FGF14: variants seen among roughly 807,000 people sequenced by gnomAD.
FGF14 encodes the protein fibroblast growth factor homologous factor 4.
A neutral mutation model predicts 25.5 loss-of-function variants in FGF14; 5 were observed. The ratio of observed to expected loss-of-function variants is 0.20; its 90% CI spans 0.10 to 0.41. The LOEUF is 0.41. FGF14 is among the 10% of genes least tolerant of loss of function. FGF14 has a pLI of 1.00. For synonymous variants in FGF14, 138 were observed against 118.3 expected (o/e 1.17, Z -1.08); for missense variants, 222 against 320.1 (o/e 0.69, Z 2.34).
chr13:102,120,995 C>T (rs569213733), intron 1 of FGF14, among the ~76,000 whole-genome samples: 18 of 152,254 alleles, frequency 1.2e-4, no homozygotes, highest in Middle Eastern at 3.4e-3. Flanking sequence ...TGAGCCACCG[C>T]GCCCGGCCGA....
chr13:101,957,631 TCTAA>T (rs1267953094), intron 1 of FGF14, among the ~76,000 whole-genome samples: 2 of 152,204 alleles, frequency 1.3e-5, no homozygotes, highest in African/African-American at 4.8e-5. Flanking sequence ...TTTGAGCAGA[TCTAA>T]CTCAGAGTCA....
intron 3 of FGF14, among the ~76,000 whole-genome samples, chr13:101,840,945 A>G (rs2140316923): frequency 1.3e-5 from 2 of 152,090 alleles, no homozygotes; most frequent in African/African-American, 4.8e-5. Context: ...CCTTGTAATG[A>G]GGAGTTTACG....
rs763340155 is a variant in FGF14 at position 102,107,014 on chromosome 13, T to C, written c.209-231718A>G. ...AAAACCATTTAGAGTGTGGACTGTT[T>C]CAGAATGTGAACAACACACATTAAT... On this transcript the variant is annotated intron_variant, in intron 1 of 4. Transcript: ENST00000376131. Among the ~76,000 whole-genome samples, 10 of 152,194 alleles carry C rather than the reference T, an allele frequency of 6.6e-5. 1 individual carries two copies. Among genetic ancestry groups the C allele is most frequent in the Non-Finnish European group, 1.3e-4 (9 of 68,028 alleles).
At chr13:101,810,474 G>A (rs2041442220) in intron 3 of FGF14, among the ~76,000 whole-genome samples, 1 of 152,130 alleles carries the variant, frequency 6.6e-6, no homozygotes, top group South Asian at 2.1e-4. Flanking sequence ...ATTAGATGAA[G>A]CCTGCTTAGT....
At chr13:102,092,378 C>A (rs2044204830) in intron 1 of FGF14, among the ~76,000 whole-genome samples, 1 of 152,126 alleles carries the variant, frequency 6.6e-6, no homozygotes, top group African/African-American at 2.4e-5. Flanking sequence ...TTACGGGTGA[C>A]CAAAACTGTG....
rs369724500 is a variant in FGF14 at position 102,323,949 on chromosome 13, C to A, written c.208+77522G>T. On this transcript the variant is annotated intron_variant, in intron 1 of 4. Transcript: ENST00000376131. ...CAGATGACTCTTTAAAGGATCCCAA[C>A]GTGCAGTATGTGTGTGTGTGTGTGT... 1.8e-3 allele frequency among the ~76,000 whole-genome samples: 247 copies of A among 140,086 alleles called. 2 individuals carry two copies. Among genetic ancestry groups the A allele is most frequent in the African/African-American group, 6.2e-3 (227 of 36,892 alleles). The allele number at this position is 140,086 out of a possible 152,430, so 91.9% of individuals were successfully genotyped here.
chr13:102,146,821 A>C (rs1381508194), intron 1 of FGF14, among the ~76,000 whole-genome samples: 1 of 152,206 alleles, frequency 6.6e-6, no homozygotes, highest in Non-Finnish European at 1.5e-5. Context: ...AGACACATTC[A>C]TGAAGACCAC....
At chr13:102,027,307 A>T (rs993734214) in intron 1 of FGF14, among the ~76,000 whole-genome samples, 1 of 151,156 alleles carries the variant, frequency 6.6e-6, no homozygotes, top group Non-Finnish European at 1.5e-5. Flanking sequence ...ATAGATAATG[A>T]CTATATATTA....
At chr13:102,119,393 A>T (rs904646149) in intron 1 of FGF14, among the ~76,000 whole-genome samples, 2 of 152,192 alleles carry the variant, frequency 1.3e-5, no homozygotes, top group Admixed American at 1.3e-4. Context: ...GACACACAAT[A>T]ACCAATGCAA....
chr13:102,164,291 T>C (rs1439353275), intron 1 of FGF14, among the ~76,000 whole-genome samples: 1 of 152,206 alleles, frequency 6.6e-6, no homozygotes, highest in East Asian at 1.9e-4. Context: ...ATTTTTCCTG[T>C]TTTCTTGTGG....
chr13:102,167,995 T>C lies in FGF14; in HGVS notation c.208+233476A>G, dbSNP rs117780222. 7.1e-3 allele frequency among the ~76,000 whole-genome samples: 1,086 copies of C among 152,224 alleles called. 10 individuals are homozygous for C. Among genetic ancestry groups the C allele is most frequent in the Non-Finnish European group, 0.012 (845 of 68,002 alleles). On this transcript the variant is annotated intron_variant, in intron 1 of 4. Transcript: ENST00000376131. Reference sequence around the variant, plus strand: ...TCGCCCTCTATGTCATGGCTTTTTATGTAGTCGCTGACTCTCCTTTAGTGA... The same window carrying C: ...TCGCCCTCTATGTCATGGCTTTTTACGTAGTCGCTGACTCTCCTTTAGTGA...
chr13:101,919,587 C>T (rs1023252760), upstream of FGF14, among the ~76,000 whole-genome samples: 2 of 151,856 alleles, frequency 1.3e-5, no homozygotes, highest in African/African-American at 2.4e-5. Context: ...GCCCTCCCTT[C>T]GTTGTTCAGC....
chr13:102,292,706 T>C (rs1390140913), intron 1 of FGF14: 1 of 152,218 alleles, frequency 6.6e-6, no homozygotes, highest in East Asian at 1.9e-4. Flanking sequence ...TATCTTTTTA[T>C]GAATACAGTT....
intron 1 of FGF14, among the ~76,000 whole-genome samples, chr13:102,313,339 A>C (rs2055865630): frequency 6.6e-6 from 1 of 152,246 alleles, no homozygotes; most frequent in African/African-American, 2.4e-5. Flanking sequence ...TTACAACAGA[A>C]GTGGAGAACT....
At chr13:101,897,733 C>T (rs1309972255) in intron 1 of FGF14, among the ~76,000 whole-genome samples, 1 of 151,960 alleles carries the variant, frequency 6.6e-6, no homozygotes, top group Non-Finnish European at 1.5e-5. Flanking sequence ...ATTTTTACAA[C>T]AAAAATACTA....
chr13:102,063,432 T>C (rs760237260), intron 1 of FGF14, among the ~76,000 whole-genome samples: 7 of 151,880 alleles, frequency 4.6e-5, no homozygotes, highest in African/African-American at 7.3e-5. Context: ...CTGGGCAACA[T>C]GGCAAAACCT....
chr13:101,757,937 G>T (rs987092590), intron 3 of FGF14, among the ~76,000 whole-genome samples: 2 of 152,092 alleles, frequency 1.3e-5, no homozygotes, highest in African/African-American at 4.8e-5. Context: ...TAAAATGGAA[G>T]AATAAAAATC....
chr13:102,246,980 C>A (rs934572767), intron 1 of FGF14, among the ~76,000 whole-genome samples: 1 of 151,894 alleles, frequency 6.6e-6, no homozygotes, highest in African/African-American at 2.4e-5. Flanking sequence ...ACAAAAGTAA[C>A]CAATGGGGAA....
chr13:101,791,947 C>T (rs2040259250), intron 3 of FGF14, among the ~76,000 whole-genome samples: 1 of 152,052 alleles, frequency 6.6e-6, no homozygotes, highest in Non-Finnish European at 1.5e-5. Context: ...TACTAACTTT[C>T]CCTAGAGAAT....
Sources: gnomAD v4.1 joint callset for allele counts (sites outside exome capture counted in the v4.1 genomes callset) on GRCh38, gnomAD v4.1.1 for gene constraint, MANE v1.5 for transcripts, NCBI Gene and HGNC (gene_info 2026-07-23, HGNC 2026-07-21) for gene names.